The following KCNJ3 variants were observed in gnomAD, a reference collection of about 807,000 sequenced individuals.
The protein encoded by KCNJ3 is G protein-activated inward rectifier potassium channel 1.
In KCNJ3, 4 loss-of-function variants were observed where a neutral mutation model predicts 39.2. The observed-to-expected ratio is 0.10, with a 90% CI of 0.05 to 0.23. KCNJ3 has a LOEUF of 0.23. Ranked by LOEUF, KCNJ3 falls within the 10% of genes least tolerant of loss-of-function variation. The probability of loss-of-function intolerance (pLI) is 1.00; values close to 1 mark genes in which losing one functional copy is unlikely to be tolerated. For synonymous variants in KCNJ3, 230 were observed against 237.4 expected (o/e 0.97, Z 0.29); for missense variants, 276 against 634.9 (o/e 0.43, Z 6.08).
chr2:154,771,414 A>G (rs531604923), intron 2 of KCNJ3, among the ~76,000 whole-genome samples: 5 of 152,336 alleles, frequency 3.3e-5, no homozygotes, highest in Non-Finnish European at 7.3e-5. Context: ...GAAAGCATGA[A>G]AGTAGTAGAT....
chr2:154,752,022 A>G lies in KCNJ3; in HGVS notation c.919+42203A>G, dbSNP rs531916296. Among the ~76,000 whole-genome samples the G allele has an allele frequency of 8.5e-5, 13 of 152,184 alleles. No homozygotes were observed. The South Asian group carries it at 2.7e-3, about 32-fold the overall frequency. On this transcript the variant is annotated intron_variant, in intron 2 of 2. Coordinates refer to ENST00000295101, the MANE Select transcript of KCNJ3 (RefSeq NM_002239.4). ...GTTTTAACACATGAATTTTGGAAGG[A>G]CACAATTCACACCATAACACCAATT... is the stretch of plus-strand genomic sequence containing the variant.
chr2:154,783,683 C>G (rs1385881861), intron 2 of KCNJ3, among the ~76,000 whole-genome samples: 1 of 152,184 alleles, frequency 6.6e-6, no homozygotes, highest in East Asian at 1.9e-4. Context: ...AATAATTTTC[C>G]CAAGTTGGCA....
chr2:154,809,919 T>C (rs1228172840), intron 2 of KCNJ3, among the ~76,000 whole-genome samples: 2 of 152,004 alleles, frequency 1.3e-5, no homozygotes, highest in Non-Finnish European at 2.9e-5. Context: ...CACACACATA[T>C]ATACTATCTG....
At chr2:154,701,979 G>T (rs1684906232) in intron 1 of KCNJ3, among the ~76,000 whole-genome samples, 2 of 151,858 alleles carry the variant, frequency 1.3e-5, no homozygotes, top group Non-Finnish European at 2.9e-5. Flanking sequence ...TTTTATTGGG[G>T]AAATAATAAC....
At chr2:154,766,699 G>C (rs1274969240) in intron 2 of KCNJ3, among the ~76,000 whole-genome samples, 1 of 152,004 alleles carries the variant, frequency 6.6e-6, no homozygotes, top group Non-Finnish European at 1.5e-5. Flanking sequence ...GGGACTACAG[G>C]CACATGCCAT....
chr2:154,745,181 A>C (rs1446696617), intron 2 of KCNJ3, among the ~76,000 whole-genome samples: 1 of 151,920 alleles, frequency 6.6e-6, no homozygotes, highest in African/African-American at 2.4e-5. Context: ...TGGTACTTGA[A>C]ATAAACATGT....
At chr2:154,810,188 T>TC (rs1472686538) in intron 2 of KCNJ3, among the ~76,000 whole-genome samples, 1 of 152,128 alleles carries the variant, frequency 6.6e-6, no homozygotes, top group African/African-American at 2.4e-5. Context: ...GCTCAAGTGA[T>TC]CCTCCCACCT....
chr2:154,835,682 A>T (rs992080200), intron 2 of KCNJ3, among the ~76,000 whole-genome samples: 1 of 151,884 alleles, frequency 6.6e-6, no homozygotes, highest in Non-Finnish European at 1.5e-5. Flanking sequence ...AATTTACCCA[A>T]CCTTCCTCCT....
At chr2:154,791,596 A>G (rs1278356270) in intron 2 of KCNJ3, among the ~76,000 whole-genome samples, 3 of 151,964 alleles carry the variant, frequency 2.0e-5, no homozygotes, top group Admixed American at 6.6e-5. Flanking sequence ...GGGAGGTAAG[A>G]TCCCATGACT....
chr2:154,794,711 C>A (rs1201935063), intron 2 of KCNJ3, among the ~76,000 whole-genome samples: 1 of 151,942 alleles, frequency 6.6e-6, no homozygotes, highest in Non-Finnish European at 1.5e-5. Context: ...ATGAATACTT[C>A]CATTTATGTG....
intron 1 of KCNJ3, among the ~76,000 whole-genome samples, chr2:154,700,033 T>A (rs903728906): frequency 3.3e-5 from 5 of 152,192 alleles, no homozygotes; most frequent in Non-Finnish European, 5.9e-5. Flanking sequence ...GGTCATCTTT[T>A]TAACAAACAC....
chr2:154,745,328 A>G (rs1262632638), intron 2 of KCNJ3, among the ~76,000 whole-genome samples: 1 of 152,042 alleles, frequency 6.6e-6, no homozygotes, highest in Non-Finnish European at 1.5e-5. Flanking sequence ...AAAAGTCTTT[A>G]ACTATTGCTG....
intron 2 of KCNJ3, among the ~76,000 whole-genome samples, chr2:154,710,057 G>A (rs1035903761): frequency 6.6e-6 from 1 of 151,910 alleles, no homozygotes; most frequent in African/African-American, 2.4e-5. Flanking sequence ...AAAAAAAGTG[G>A]GATGACTTCT....
intron 1 of KCNJ3, among the ~76,000 whole-genome samples, chr2:154,708,974 G>C (rs1253563121): frequency 6.6e-6 from 1 of 152,104 alleles, no homozygotes; most frequent in Admixed American, 6.6e-5. Flanking sequence ...TTATTATTAG[G>C]AGTTTGAAAA....
rs140196975 is a variant in KCNJ3 at position 154,808,476 on chromosome 2, CAGTT to C, written c.920-46247_920-46244del. Among the ~76,000 whole-genome samples the C allele has an allele frequency of 6.4e-3, 975 of 152,230 alleles. 6 individuals carry two copies. Among genetic ancestry groups the C allele is most frequent in the African/African-American group, 0.011 (477 of 41,542 alleles). ...ATCACAGACTCAGGATCAGTGCACT[CAGTT>C]AGTGATCATTATCCTTGTGACCTGA... On this transcript the variant is annotated intron_variant, in intron 2 of 2. Transcript: ENST00000295101.
At chr2:154,760,553 TTCTCTCTCTC>T in intron 2 of KCNJ3, among the ~76,000 whole-genome samples, 1 of 150,414 alleles carries the variant, frequency 6.6e-6, no homozygotes, top group East Asian at 2.0e-4. Flanking sequence ...ACTTCTCTCT[TTCTCTCTCTC>T]TCTCTTTCTT....
At chr2:154,816,820 A>ATATGGATGTAAAGTG (rs557358903) in intron 2 of KCNJ3, among the ~76,000 whole-genome samples, 7 of 152,286 alleles carry the variant, frequency 4.6e-5, no homozygotes, top group Admixed American at 2.6e-4. Context: ...ACATTCTAAA[A>ATATGGATGTAAAGTG]TATGGATGTA....
At chr2:154,851,171 GT>G (rs1558891654) in intron 2 of KCNJ3, among the ~76,000 whole-genome samples, 2 of 151,932 alleles carry the variant, frequency 1.3e-5, no homozygotes, top group African/African-American at 4.8e-5. Context: ...GAGCCCAGGG[GT>G]TTGAGGCTGC....
chr2:154,827,711 A>AT (rs11464971), intron 2 of KCNJ3, among the ~76,000 whole-genome samples: 105,344 of 151,864 alleles, frequency 0.69, 38,696 homozygotes, highest in East Asian at 0.95. Flanking sequence ...AGAAATTATT[A>AT]TTTTTTGGCA....
Sources: gnomAD v4.1 joint callset for allele counts (sites outside exome capture counted in the v4.1 genomes callset) on GRCh38, gnomAD v4.1.1 for gene constraint, MANE v1.5 for transcripts, NCBI Gene and HGNC (gene_info 2026-07-23, HGNC 2026-07-21) for gene names.